The following RAB11FIP1 variants were observed in gnomAD, a reference collection of about 807,000 sequenced individuals.
The protein encoded by RAB11FIP1 is rab11 family-interacting protein 1.
Under a neutral mutation model 83.1 loss-of-function variants are expected in RAB11FIP1, and 49 were observed. The observed-to-expected ratio is 0.59, with a 90% confidence interval of 0.47 to 0.75. The LOEUF (loss-of-function observed/expected upper bound fraction) is 0.75, where lower values mean the gene tolerates loss of function less well. RAB11FIP1 is among the 30% of genes least tolerant of loss of function. The pLI is 0.00. For synonymous variants in RAB11FIP1, 670 were observed against 656.0 expected, an observed-to-expected ratio of 1.02 and a Z score of -0.33; for missense variants, 1,536 against 1,598.7, an observed-to-expected ratio of 0.96 and a Z score of 0.67.
chr8:37,873,071 G>C lies in RAB11FIP1; in HGVS notation c.1731C>G (p.Pro577=). 1.2e-6 allele frequency: 2 copies of C among 1,614,084 alleles called. No homozygotes were observed. The highest frequency in any genetic ancestry group is 1.7e-6 in the Non-Finnish European group (2 of 1,179,992). The change falls in exon 4 of 6, where the codon CCC becomes CCG. Residue 577 remains proline, a synonymous_variant. Coordinates refer to ENST00000330843, the MANE Select transcript of RAB11FIP1 (RefSeq NM_001002814.3). The part of the protein sequence containing the change: ...LPSSSGQASV[P]SELGHGADTQ... ...TGTCTGCACCATGTCCCAATTCAGA[G>C]GGGACAGATGCCTGGCCAGAGCTAG...
chr8:37,898,236 C>T (rs1807132802), intron 1 of RAB11FIP1, among the ~76,000 whole-genome samples: 1 of 152,236 alleles, frequency 6.6e-6, no homozygotes, highest in Non-Finnish European at 1.5e-5. Flanking sequence ...CCAGGCCCGG[C>T]GCGGTGGCTC....
At chr8:37,888,547 C>T (rs1585445474) in intron 1 of RAB11FIP1, among the ~76,000 whole-genome samples, 5 of 152,040 alleles carry the variant, frequency 3.3e-5, no homozygotes, top group South Asian at 2.1e-4. Flanking sequence ...GATGCCATCA[C>T]GGCTCACTGC....
intron 5 of RAB11FIP1, among the ~76,000 whole-genome samples, chr8:37,863,796 T>C (rs1203767304): frequency 6.6e-6 from 1 of 152,164 alleles, no homozygotes; most frequent in African/African-American, 2.4e-5. Flanking sequence ...TTTTAAGCAG[T>C]GCCATCATGG....
intron 1 of RAB11FIP1, 141 bp from the exon 2 acceptor site, chr8:37,877,692 G>T: frequency 1.9e-6 from 1 of 540,316 alleles, no homozygotes; most frequent in Non-Finnish European, 3.3e-6. Flanking sequence ...TTCGGGAAGT[G>T]GTAGATGAGA....
intron 1 of RAB11FIP1, among the ~76,000 whole-genome samples, chr8:37,878,442 G>A (rs756683633): frequency 7.5e-5 from 11 of 147,412 alleles, no homozygotes; most frequent in South Asian, 2.2e-4. Context: ...ACCGTGGCAG[G>A]AGAATCACTT....
In RAB11FIP1 at chr8:37,862,185, AC is replaced by A. The variant is rs1281020369; in HGVS notation, c.*709del. On this transcript the variant is annotated 3_prime_UTR_variant, in exon 6 of 6. Coordinates refer to ENST00000330843, the MANE Select transcript of RAB11FIP1 (RefSeq NM_001002814.3). ...GTAATTCTTTTAATTCCTGAATTCT[AC>A]TTTTCCTATCTCCAGTAGAAGGGCC... 1.3e-5 allele frequency: 2 copies of A among 152,424 alleles called. No homozygotes were observed. Among genetic ancestry groups the A allele is most frequent in the African/African-American group, 2.4e-5 (1 of 41,446 alleles). 9.4% of individuals were successfully genotyped at this position (152,424 alleles called of 1,614,324 possible).
At chr8:37,873,612 A>T (rs891458076) in intron 3 of RAB11FIP1, among the ~76,000 whole-genome samples, 1 of 152,164 alleles carries the variant, frequency 6.6e-6, no homozygotes, top group Non-Finnish European at 1.5e-5. Context: ...TCAAAAAAAA[A>T]AAGGAACACT....
intron 5 of RAB11FIP1, among the ~76,000 whole-genome samples, chr8:37,868,476 TA>T (rs1427958851): frequency 6.6e-6 from 1 of 151,746 alleles, no homozygotes; most frequent in East Asian, 1.9e-4. Flanking sequence ...CATGGGACTG[TA>T]AAATATATGA....
In RAB11FIP1 at chr8:37,874,990, C is replaced by G. The variant is rs116955940; in HGVS notation, c.1147G>C (p.Glu383Gln). 1 of 1,614,114 alleles carries G rather than the reference C, an allele frequency of 6.2e-7. No homozygotes were observed. The highest frequency in any genetic ancestry group is 1.1e-5 in the South Asian group (1 of 91,082). Residue 383 changes from glutamate (E) to glutamine (Q), a missense_variant, in exon 3 of 6, where the codon GAA becomes CAA. Physicochemically the swap from Glu to Gln is conservative, Grantham distance 29 (BLOSUM62 2). Transcript: ENST00000330843. ...TTCAAGGAGTCCTTGGTGGAAGATT[C>G]GGAGAGCTGCCTGTCAGAAGACAGC... Reference protein sequence around the residue: ...GGLSSDRQLSESSTKDSLKSM... With the variant: ...GGLSSDRQLSQSSTKDSLKSM...
chr8:37,895,002 C>G (rs890544770), intron 1 of RAB11FIP1, among the ~76,000 whole-genome samples: 1 of 148,136 alleles, frequency 6.8e-6, no homozygotes, highest in African/African-American at 2.5e-5. Flanking sequence ...AGGTGATCCA[C>G]CCACCTTGGC....
chr8:37,890,154 T>C lies in RAB11FIP1; in HGVS notation c.371+8917A>G, dbSNP rs370781193. Among the ~76,000 whole-genome samples the C allele has an allele frequency of 1.1e-4, 17 of 152,338 alleles. 1 individual carries two copies. Among genetic ancestry groups the C allele is most frequent in the African/African-American group, 4.1e-4 (17 of 41,574 alleles). On this transcript the variant is annotated intron_variant, in intron 1 of 5. Coordinates refer to ENST00000330843, the MANE Select transcript of RAB11FIP1 (RefSeq NM_001002814.3). ...AAAAGTTCTATTTTGGTGAACCACA[T>C]GTCACAGTTCTCTGCATGGGAAAGG...
intron 5 of RAB11FIP1, among the ~76,000 whole-genome samples, chr8:37,863,745 C>T (rs1806287837): frequency 6.6e-6 from 1 of 152,136 alleles, no homozygotes; most frequent in Admixed American, 6.6e-5. Context: ...CCATACTTGC[C>T]TCACAGGTCG....
At position 37,870,201 on chromosome 8, in the gene RAB11FIP1, C is replaced by CA. The variant is rs977829985; in HGVS notation, c.3633+218dup. Among the ~76,000 whole-genome samples, 566 of 134,130 alleles carry CA rather than the reference C, an allele frequency of 4.2e-3. 1 individual carries two copies. Among genetic ancestry groups the CA allele is most frequent in the Non-Finnish European group, 5.6e-3 (345 of 61,590 alleles). 88.0% of individuals were successfully genotyped at this position (134,130 alleles called of 152,430 possible). ...CCAGTGTCAATCATGTTGCTTGAGA[C>CA]AAAAAAAAAAAATTAACAATAACTA... On this transcript the variant is annotated intron_variant, in intron 5 of 5. Transcript: ENST00000330843.
At chr8:37,883,799 T>C (rs7003403) in intron 1 of RAB11FIP1, among the ~76,000 whole-genome samples, 8,414 of 152,180 alleles carry the variant, frequency 0.055, 789 homozygotes, top group African/African-American at 0.19. Flanking sequence ...ACGTAGGCCC[T>C]GAAAGCTTGA....
chr8:37,863,556 C>T (rs944332985), intron 5 of RAB11FIP1, among the ~76,000 whole-genome samples: 1 of 152,098 alleles, frequency 6.6e-6, no homozygotes, highest in Non-Finnish European at 1.5e-5. Flanking sequence ...CCAGGGAATC[C>T]GTTTTCAATT....
At chr8:37,891,401 G>A (rs534736203) in intron 1 of RAB11FIP1, among the ~76,000 whole-genome samples, 26 of 152,268 alleles carry the variant, frequency 1.7e-4, no homozygotes, top group Admixed American at 1.2e-3. Flanking sequence ...TTTCCAGGGC[G>A]TATAGCAATG....
At position 37,871,739 on chromosome 8, in the gene RAB11FIP1, C is replaced by T. The variant is rs1175657738; in HGVS notation, c.3063G>A (p.Leu1021=). Residue 1021 remains leucine (L), a synonymous_variant, in exon 4 of 6, where the codon TTG becomes TTA. Transcript: ENST00000330843. The part of the protein sequence containing the change: ...GKGPSGEADR[L]VLGEGLCDFR... ...AATCACACAGGCCCTCCCCCAGTAC[C>T]AACCTATCTGCCTCGCCACTGGGCC... The T allele has an allele frequency of 1.3e-5, 21 of 1,613,736 alleles. No individual in the cohort carries two copies. Among genetic ancestry groups the T allele is most frequent in the Non-Finnish European group, 1.8e-5 (21 of 1,180,004 alleles).
At position 37,869,699 on chromosome 8, in the gene RAB11FIP1, A is replaced by G. The variant is rs554845833; in HGVS notation, c.3633+721T>C. Among the ~76,000 whole-genome samples, 27 of 152,324 alleles carry G rather than the reference A, an allele frequency of 1.8e-4. No homozygotes were observed. The South Asian group carries it at 5.0e-3, about 28-fold the overall frequency. On this transcript the variant is annotated intron_variant, in intron 5 of 5. Coordinates refer to ENST00000330843, the MANE Select transcript of RAB11FIP1 (RefSeq NM_001002814.3). ...ACATGAGGTACACAACTTACTTCCA[A>G]ATGATTTTTAAAAAAAATTATGCAT...
chr8:37,875,075 C>T lies in RAB11FIP1; in HGVS notation c.1062G>A (p.Leu354=), dbSNP rs760858464. The change falls in exon 3 of 6, where the codon TTG becomes TTA. Residue 354 remains leucine, a synonymous_variant. Coordinates refer to ENST00000330843, the MANE Select transcript of RAB11FIP1 (RefSeq NM_001002814.3). ...PSPKGFRKKH[L]FSSTENLAAG... is the part of the protein sequence containing the mutation. ...CCGCCAGGTTCTCTGTAGAAGAGAA[C>T]AAATGCTTCTTTCTGAAGCCCTTGG... 6 of 1,614,186 alleles carry T rather than the reference C, an allele frequency of 3.7e-6. No homozygotes were observed. The South Asian group carries it at 4.4e-5, about 12-fold the overall frequency.
Sources: gnomAD v4.1 joint callset for allele counts (sites outside exome capture counted in the v4.1 genomes callset) on GRCh38, gnomAD v4.1.1 for gene constraint, MANE v1.5 for transcripts, NCBI Gene and HGNC (gene_info 2026-07-23, HGNC 2026-07-21) for gene names.